Variants in UBA6 observed in about 807,000 individuals in gnomAD.
UBA6 encodes the protein ubiquitin-like modifier-activating enzyme 6.
A neutral mutation model predicts 148.3 loss-of-function variants in UBA6; 87 were observed. The observed-to-expected ratio is 0.59, with a 90% confidence interval of 0.49 to 0.70. The LOEUF is 0.70. Among genes scored for constraint, UBA6 ranks in the 30% least tolerant of loss-of-function variants. The pLI is 0.00. For synonymous variants in UBA6, 376 were observed against 401.0 expected, an observed-to-expected ratio of 0.94 and a Z score of 0.75; for missense variants, 1,186 against 1,241.2, an observed-to-expected ratio of 0.96 and a Z score of 0.67.
rs146668941 is a variant in UBA6 at position 67,646,195 on chromosome 4, C to T, written c.1317-179G>A. Among the ~76,000 whole-genome samples the T allele has an allele frequency of 6.2e-4, 95 of 152,230 alleles. 1 individual carries two copies. The highest frequency in any genetic ancestry group is 2.2e-3 in the African/African-American group (90 of 41,568). On this transcript the variant is annotated intron_variant, in intron 15 of 32. Coordinates refer to ENST00000322244, the MANE Select transcript of UBA6 (RefSeq NM_018227.6). ...AAGAAATCCATTTTTCCTTTTTCCA[C>T]TTGGCTTAATAGTCTAAATACAAAT...
chr4:67,682,038 T>A, intron 3 of UBA6, 81 bp downstream of exon 3: 4 of 1,039,216 alleles, frequency 3.8e-6, no homozygotes, highest in Non-Finnish European at 5.9e-6. Context: ...TTATAGGAAA[T>A]ATAAGGGGAT....
At chr4:67,626,529 T>G (rs1199260801) in intron 27 of UBA6, 52 bp from the exon 28 acceptor site, 1 of 1,108,430 alleles carries the variant, frequency 9.0e-7, no homozygotes, top group South Asian at 1.4e-5. Flanking sequence ...CTGCATCTGT[T>G]TGGTTACCAT....
chr4:67,645,597 AG>A (rs199960376), intron 16 of UBA6, among the ~76,000 whole-genome samples: 100 of 142,478 alleles, frequency 7.0e-4, no homozygotes, highest in Admixed American at 1.0e-3. Flanking sequence ...ACTTTGTCTC[AG>A]AAAAAAAAAA....
chr4:67,633,319 C>T (rs745388071), intron 23 of UBA6, 26 bp downstream of exon 23: 2 of 1,548,842 alleles, frequency 1.3e-6, no homozygotes, highest in African/African-American at 2.8e-5. Context: ...CAGACCTTTT[C>T]TTAATGTCTC....
chr4:67,673,993 C>T (rs1730215132), intron 6 of UBA6, among the ~76,000 whole-genome samples: 1 of 152,146 alleles, frequency 6.6e-6, no homozygotes, highest in South Asian at 2.1e-4. Flanking sequence ...AACCTGCACA[C>T]ATAAAACTTG....
chr4:67,682,470 T>G (rs902714435), intron 2 of UBA6, among the ~76,000 whole-genome samples: 6 of 152,216 alleles, frequency 3.9e-5, no homozygotes, highest in Non-Finnish European at 7.3e-5. Context: ...TTGCCCTGTT[T>G]AGGCAGGAGG....
rs1426816850 is a variant in UBA6 at position 67,665,570 on chromosome 4, A to G, written c.794-278T>C. On this transcript the variant is annotated intron_variant, in intron 9 of 32. Transcript: ENST00000322244. Reference sequence around the variant, plus strand: ...AGTAATGAGGGCTACTCATTATTAGATATTAAAATATATCATAAAGCCTCA... The same window carrying G: ...AGTAATGAGGGCTACTCATTATTAGGTATTAAAATATATCATAAAGCCTCA... 4.0e-5 allele frequency among the ~76,000 whole-genome samples: 6 copies of G among 151,546 alleles called. 1 individual carries two copies. The highest frequency in any genetic ancestry group is 2.0e-4 in the Admixed American group (3 of 15,212).
rs184193879 is a variant in UBA6, at chr4:67,665,112, A to G, written c.897+77T>C. The G allele has an allele frequency of 5.1e-6, 4 of 776,744 alleles. No individual in the cohort carries two copies. In the Admixed American group the frequency reaches 8.4e-5, roughly 16 times the overall value. 48.1% of individuals were successfully genotyped at this position (776,744 alleles called of 1,614,324 possible). On this transcript the variant is annotated intron_variant, in intron 10 of 32. Transcript: ENST00000322244. ...GTTCCACATTTAATCTGTTTGGTTA[A>G]CTGAGTAGTTATTTGTCTCTTCTGC...
At chr4:67,693,508 T>A (rs930483929) in intron 2 of UBA6, among the ~76,000 whole-genome samples, 1 of 151,900 alleles carries the variant, frequency 6.6e-6, no homozygotes, top group East Asian at 1.9e-4. Flanking sequence ...GGTAGGGGAG[T>A]TGGCACTCCT....
At position 67,650,091 on chromosome 4, in the gene UBA6, T is replaced by G. The variant is rs72642366; in HGVS notation, c.1105-880A>C. On this transcript the variant is annotated intron_variant, in intron 13 of 32. Coordinates refer to ENST00000322244, the MANE Select transcript of UBA6 (RefSeq NM_018227.6). ...TATTTACAACTATTGAGCACTAGCC[T>G]CAACCAAGATCAATTACAATTTAAA... is the stretch of plus-strand genomic sequence containing the variant. Among the ~76,000 whole-genome samples the G allele has an allele frequency of 5.3e-3, 811 of 152,248 alleles. 6 individuals are homozygous for G. The highest frequency in any genetic ancestry group is 9.0e-3 in the Non-Finnish European group (614 of 67,972).
At chr4:67,654,510 C>A (rs1729633614) in intron 13 of UBA6, among the ~76,000 whole-genome samples, 2 of 152,130 alleles carry the variant, frequency 1.3e-5, no homozygotes, top group Admixed American at 1.3e-4. Flanking sequence ...CACCACCAGA[C>A]CTGCCTTACA....
Position 67,617,114 on chromosome 4 carries a change from A to C in UBA6, c.*1883T>G, listed in dbSNP as rs1401710396. 1 of 152,132 alleles carries C rather than the reference A, an allele frequency of 6.6e-6. No individual in the cohort carries two copies. The highest frequency in any genetic ancestry group is 2.4e-5 in the African/African-American group (1 of 41,454). The allele number at this position is 152,132 out of a possible 1,614,324, so 9.4% of individuals were successfully genotyped here. On this transcript the variant is annotated 3_prime_UTR_variant, in exon 33 of 33. Transcript: ENST00000322244. The stretch of plus-strand genomic sequence containing the variant: ...ATCTGCTAAAACACTAATATCTATA[A>C]ATATGAACTGACAGCATCGTTCTAA...
In UBA6 at chr4:67,678,539, A is replaced by G. The variant is rs1454083497; in HGVS notation, c.259-6T>C. 1 of 1,561,816 alleles carries G rather than the reference A, an allele frequency of 6.4e-7. No individual in the cohort carries two copies. Among genetic ancestry groups the G allele is most frequent in the South Asian group, 1.2e-5 (1 of 85,200 alleles). On this transcript the variant is annotated splice_polypyrimidine_tract_variant and splice_region_variant and intron_variant, in intron 4 of 32. Coordinates refer to ENST00000322244, the MANE Select transcript of UBA6 (RefSeq NM_018227.6). ...GTATCATGAATTGTAACTGCCTTCAAAAAAGAAAAAAGTATTGGTTGAAGT... is the reference window on the plus strand; with the variant it reads ...GTATCATGAATTGTAACTGCCTTCAGAAAAGAAAAAAGTATTGGTTGAAGT...
chr4:67,630,803 G>C (rs1168263228), intron 25 of UBA6, among the ~76,000 whole-genome samples: 1 of 152,126 alleles, frequency 6.6e-6, no homozygotes, highest in Non-Finnish European at 1.5e-5. Context: ...AGAGGAGTGA[G>C]TGGACAGAAC....
At position 67,616,338 on chromosome 4, in the gene UBA6, A is replaced by T. The variant is rs1277560483; in HGVS notation, c.*2659T>A. The T allele has an allele frequency of 2.7e-6, 1 of 375,338 alleles. No individual in the cohort carries two copies. The highest frequency in any genetic ancestry group is 4.7e-6 in the Non-Finnish European group (1 of 211,702). 23.3% of individuals were successfully genotyped at this position (375,338 alleles called of 1,614,324 possible). ...TTTTTTTCCCTAAAAATTTCAAAAG[A>T]ACAATTTTCTATCTTCATTTTACTA... On this transcript the variant is annotated 3_prime_UTR_variant, in exon 33 of 33. Transcript: ENST00000322244.
Position 67,616,223 on chromosome 4 carries a change from C to T in UBA6, c.*2774G>A, listed in dbSNP as rs778872868. On this transcript the variant is annotated 3_prime_UTR_variant, in exon 33 of 33. Transcript: ENST00000322244. ...TTTGAATCTATGAAAAGTAAAATCG[C>T]TAAATCCATACACAGTGATTATATA... 2.0e-4 allele frequency: 79 copies of T among 394,646 alleles called. 1 individual carries two copies. Among genetic ancestry groups the T allele is most frequent in the Middle Eastern group, 1.9e-3 (3 of 1,560 alleles). The allele number at this position is 394,646 out of a possible 1,614,324, so 24.4% of individuals were successfully genotyped here.
At chr4:67,631,793 C>T (rs2109902043) in intron 24 of UBA6, 22 bp from the exon 25 acceptor site, 1 of 1,610,822 alleles carries the variant, frequency 6.2e-7, no homozygotes, top group Non-Finnish European at 8.5e-7. Flanking sequence ...ATACAAATAT[C>T]ATTTTCAATG....
chr4:67,680,903 T>C (rs2109949671), intron 4 of UBA6, among the ~76,000 whole-genome samples: 1 of 152,296 alleles, frequency 6.6e-6, no homozygotes. Flanking sequence ...ACTGAGGTCC[T>C]CAGTTTAACA....
rs1728574669 is a variant in UBA6 at position 67,613,524 on chromosome 4, G to GA, written c.*5472dup. 1 of 152,082 alleles carries GA rather than the reference G, an allele frequency of 6.6e-6. No homozygotes were observed. The highest frequency in any genetic ancestry group is 1.5e-5 in the Non-Finnish European group (1 of 67,998). 9.4% of individuals were successfully genotyped at this position (152,082 alleles called of 1,614,324 possible). A position where few individuals can be genotyped will look rare whatever the true frequency, so the allele number is the denominator to read the frequency against. On this transcript the variant is annotated 3_prime_UTR_variant, in exon 33 of 33. Transcript: ENST00000322244. ...GCTTTCAATTAGAAATATGAGAACT[G>GA]AAAATACAAGGGGCTGAGAATAACC...
Sources: gnomAD v4.1 joint callset for allele counts (sites outside exome capture counted in the v4.1 genomes callset) on GRCh38, gnomAD v4.1.1 for gene constraint, MANE v1.5 for transcripts, NCBI Gene and HGNC (gene_info 2026-07-23, HGNC 2026-07-21) for gene names.